The following ZNF486 variants were observed in gnomAD, a reference collection of about 807,000 sequenced individuals.
The protein encoded by ZNF486 is zinc finger protein 486.
ZNF486 carries 12 observed loss-of-function variants against 12.8 expected under a neutral mutation model. That is an observed-to-expected ratio of 0.94 (90% CI 0.60 to 1.52). The LOEUF is 1.52. Among genes scored for constraint, ZNF486 ranks in the 40% most tolerant of loss-of-function variants. The pLI, the probability that ZNF486 is intolerant of heterozygous loss-of-function variation, is 0.00. For synonymous variants in ZNF486, 231 were observed against 184.9 expected, an observed-to-expected ratio of 1.25 and a Z score of -2.02; for missense variants, 738 against 545.0, an observed-to-expected ratio of 1.35 and a Z score of -3.53.
chr19:20,171,756 G>T (rs1373361013), intron 1 of ZNF486, among the ~76,000 whole-genome samples: 2 of 152,084 alleles, frequency 1.3e-5, no homozygotes, highest in African/African-American at 2.4e-5. Flanking sequence ...TACACATGTG[G>T]GTTTGTTATA....
chr19:20,173,507 G>A (rs558754277), intron 1 of ZNF486, among the ~76,000 whole-genome samples: 2 of 152,140 alleles, frequency 1.3e-5, no homozygotes, highest in East Asian at 3.9e-4. Flanking sequence ...GCAAAACTCA[G>A]GTGTCCAAGA....
At chr19:20,177,437 A>T (rs1329436386) in intron 1 of ZNF486, among the ~76,000 whole-genome samples, 1 of 152,236 alleles carries the variant, frequency 6.6e-6, no homozygotes, top group Non-Finnish European at 1.5e-5. Context: ...ATTTCCAGGT[A>T]GATTTAAGAT....
At chr19:20,189,650 C>T (rs836900) in intron 3 of ZNF486, among the ~76,000 whole-genome samples, 56,541 of 151,872 alleles carry the variant, frequency 0.37, 14,639 homozygotes, top group African/African-American at 0.73. Flanking sequence ...GATGAAAAAT[C>T]TTTTTGTTCA....
At chr19:20,170,451 C>A (rs1406605160) in intron 1 of ZNF486, among the ~76,000 whole-genome samples, 1 of 151,574 alleles carries the variant, frequency 6.6e-6, no homozygotes, top group African/African-American at 2.4e-5. Flanking sequence ...CATGTAATGC[C>A]AGCTACTTGG....
chr19:20,188,607 A>C (rs2089872898), intron 3 of ZNF486: 1 of 396,576 alleles, frequency 2.5e-6, no homozygotes, highest in Non-Finnish European at 4.4e-6. Flanking sequence ...AAATTGTGCC[A>C]CTACACTCCA....
At position 20,196,995 on chromosome 19, in the gene ZNF486, G is replaced by A. The variant is rs372727538; in HGVS notation, c.285G>A (p.Trp95Ter). The change falls in exon 4 of 4, where the codon TGG becomes TGA. Residue 95 changes from tryptophan (W) to a stop codon, truncating the protein, a stop_gained. Coordinates refer to ENST00000335117, the MANE Select transcript of ZNF486 (RefSeq NM_052852.4). LOFTEE classifies it low-confidence loss of function (END_TRUNC). ...GTTCTCATTTTGCCCAAGACCTTTG[G>A]CCAGAGCAGAGCATAAAAGATTCTT... ...VVCSHFAQDL[W>*]PEQSIKDSYQ... 6.3e-7 allele frequency: 1 copy of A among 1,581,708 alleles called. No homozygotes were observed. Among genetic ancestry groups the A allele is most frequent in the Non-Finnish European group, 8.6e-7 (1 of 1,168,462 alleles).
intron 1 of ZNF486, among the ~76,000 whole-genome samples, chr19:20,169,069 G>C (rs2089616910): frequency 1.3e-5 from 2 of 151,520 alleles, no homozygotes; most frequent in Admixed American, 1.3e-4. Flanking sequence ...TCGAACTCCT[G>C]ACCTTGTGAT....
chr19:20,196,949 T>C lies in ZNF486; in HGVS notation c.254-15T>C, dbSNP rs1309606584. The stretch of plus-strand genomic sequence containing the variant: ...TCTAGCAATTGAAGTAATGTGTTTT[T>C]ATTGTTTCTTTCAGTTGTGTGTTCT... On this transcript the variant is annotated splice_polypyrimidine_tract_variant and intron_variant, in intron 3 of 3. Transcript: ENST00000335117. 4 of 1,526,664 alleles carry C rather than the reference T, an allele frequency of 2.6e-6. No individual in the cohort carries two copies. In the African/African-American group the frequency reaches 5.6e-5, roughly 21 times the overall value. 94.6% of individuals were successfully genotyped at this position (1,526,664 alleles called of 1,614,324 possible). A position where few individuals can be genotyped will look rare whatever the true frequency, so the allele number is the denominator to read the frequency against.
At chr19:20,173,002 G>GT (rs1267456184) in intron 1 of ZNF486, among the ~76,000 whole-genome samples, 1 of 152,042 alleles carries the variant, frequency 6.6e-6, no homozygotes, top group East Asian at 1.9e-4. Context: ...AAATATTTTT[G>GT]TTTATTTTGT....
At chr19:20,177,079 CTGA>C in intron 1 of ZNF486, 1 of 152,376 alleles carries the variant, frequency 6.6e-6, no homozygotes, top group Non-Finnish European at 1.5e-5. Context: ...GCCTCACTCT[CTGA>C]TGTGACACTA....
chr19:20,167,401 T>C, intron 1 of ZNF486, 41 bp downstream of exon 1: 1 of 1,605,546 alleles, frequency 6.2e-7, no homozygotes, highest in South Asian at 1.1e-5. Context: ...GGGGAGGGAC[T>C]GGTTGATGGG....
At chr19:20,187,140 A>G (rs2089856578) in intron 3 of ZNF486, among the ~76,000 whole-genome samples, 1 of 151,792 alleles carries the variant, frequency 6.6e-6, no homozygotes, top group African/African-American at 2.4e-5. Context: ...TAAGAAGTTT[A>G]TTACTTAATG....
At chr19:20,192,088 G>C (rs1437651621) in intron 3 of ZNF486, among the ~76,000 whole-genome samples, 2 of 151,998 alleles carry the variant, frequency 1.3e-5, no homozygotes, top group Non-Finnish European at 2.9e-5. Context: ...ATCATTCTTT[G>C]TCTAATGGTA....
chr19:20,186,867 T>A (rs1233124577), intron 3 of ZNF486, among the ~76,000 whole-genome samples: 2 of 148,318 alleles, frequency 1.3e-5, no homozygotes, highest in African/African-American at 5.0e-5. Flanking sequence ...CACTGCAAAC[T>A]CTGCCTCCTG....
At chr19:20,178,932 C>CT (rs1320910346) in intron 1 of ZNF486, among the ~76,000 whole-genome samples, 1 of 152,240 alleles carries the variant, frequency 6.6e-6, no homozygotes, top group Non-Finnish European at 1.5e-5. Context: ...AGAATCTCCA[C>CT]TTTCACCTTC....
intron 1 of ZNF486, 105 bp downstream of exon 1, chr19:20,167,465 C>T: frequency 7.5e-7 from 1 of 1,334,574 alleles, no homozygotes; most frequent in Non-Finnish European, 1.0e-6. Context: ...CAATCTGCGT[C>T]CGGACTTCTC....
chr19:20,174,423 CTG>C (rs761998439), intron 1 of ZNF486, among the ~76,000 whole-genome samples: 2 of 150,344 alleles, frequency 1.3e-5, no homozygotes, highest in South Asian at 2.1e-4. Flanking sequence ...GAGAGAGTCT[CTG>C]TTGCCCAAGC....
intron 3 of ZNF486, chr19:20,188,258 G>A: frequency 2.6e-6 from 1 of 387,544 alleles, no homozygotes; most frequent in Non-Finnish European, 4.5e-6. Context: ...TTCCTTTTGT[G>A]AGAGAAATAC....
At chr19:20,186,491 T>C (rs1276075102) in intron 3 of ZNF486, among the ~76,000 whole-genome samples, 1 of 152,164 alleles carries the variant, frequency 6.6e-6, no homozygotes, top group South Asian at 2.1e-4. Context: ...TTAGTTTTTG[T>C]TGCATTTTTT....
Sources: gnomAD v4.1 joint callset for allele counts (sites outside exome capture counted in the v4.1 genomes callset) on GRCh38, gnomAD v4.1.1 for gene constraint, MANE v1.5 for transcripts, NCBI Gene and HGNC (gene_info 2026-07-23, HGNC 2026-07-21) for gene names.